The following RGS9 variants were observed in gnomAD, a reference collection of about 807,000 sequenced individuals.
RGS9 encodes the protein regulator of G protein signaling 9, also known as regulator of G-protein signalling 9.
A neutral mutation model predicts 102.0 loss-of-function variants in RGS9; 78 were observed. The ratio of observed to expected loss-of-function variants is 0.76; its 90% CI spans 0.64 to 0.92. The LOEUF (loss-of-function observed/expected upper bound fraction) is 0.92, where lower values mean the gene tolerates loss of function less well. Among genes scored for constraint, RGS9 ranks in the 40% least tolerant of loss-of-function variants. The pLI is 0.00. For missense variants in RGS9, 833 were observed against 866.1 expected, an observed-to-expected ratio of 0.96 and a Z score of 0.48; for synonymous variants, 353 against 318.6, an observed-to-expected ratio of 1.11 and a Z score of -1.15.
At chr17:65,218,004 A>G (rs774752620) in intron 17 of RGS9, among the ~76,000 whole-genome samples, 1 of 152,210 alleles carries the variant, frequency 6.6e-6, no homozygotes, top group Non-Finnish European at 1.5e-5. Context: ...AAGTCCCTGA[A>G]GTGTTGAACC....
At chr17:65,141,086 T>G (rs984222672) in intron 1 of RGS9, among the ~76,000 whole-genome samples, 2 of 152,302 alleles carry the variant, frequency 1.3e-5, no homozygotes, top group African/African-American at 2.4e-5. Flanking sequence ...CACCCATGCC[T>G]CCATCTCAGT....
At position 65,158,291 on chromosome 17, in the gene RGS9, T is replaced by C; in HGVS notation, c.155-4T>C. On this transcript the variant is annotated splice_polypyrimidine_tract_variant and splice_region_variant and intron_variant, in intron 2 of 18. Transcript: ENST00000262406. ...AATAACCGCAAATGTCTCTTGTTTT[T>C]CAGGAAGTGATGTTCTGCAATGGAT... is the stretch of plus-strand genomic sequence containing the variant. The C allele has an allele frequency of 6.2e-7, 1 of 1,614,158 alleles. No homozygotes were observed. The highest frequency in any genetic ancestry group is 1.7e-5 in the Admixed American group (1 of 60,022).
In RGS9 at chr17:65,225,496, C is replaced by T. The variant is rs761038645; in HGVS notation, c.1892+10C>T. ...CCAAGAGAGTAGCAAAGTAAGAACC[C>T]GAAGGGGACGTGCCGTATGCATGGG... On this transcript the variant is annotated intron_variant, in intron 18 of 18. Coordinates refer to ENST00000262406, the MANE Select transcript of RGS9 (RefSeq NM_003835.4). 1.5e-5 allele frequency: 24 copies of T among 1,600,036 alleles called. No homozygotes were observed. Among genetic ancestry groups the T allele is most frequent in the Middle Eastern group, 1.6e-4 (1 of 6,082 alleles).
chr17:65,195,501 A>C (rs1428636787), intron 12 of RGS9, among the ~76,000 whole-genome samples: 1 of 152,076 alleles, frequency 6.6e-6, no homozygotes, highest in Non-Finnish European at 1.5e-5. Flanking sequence ...ATATATTTTT[A>C]TTGGTGCACC....
At position 65,160,755 on chromosome 17, in the gene RGS9, C is replaced by T. The variant is rs564326641; in HGVS notation, c.365-96C>T. 3.1e-4 allele frequency: 448 copies of T among 1,439,800 alleles called. 1 individual carries two copies. The African/African-American group carries it at 5.2e-3, about 17-fold the overall frequency. The allele number at this position is 1,439,800 out of a possible 1,614,324, so 89.2% of individuals were successfully genotyped here. A position where few individuals can be genotyped will look rare whatever the true frequency, so the allele number is the denominator to read the frequency against. ...AGGGGCTGGGTGTGCTGAGCGTTCT[C>T]TCCCCGACTCTGAGCACAGCAGCCT... On this transcript the variant is annotated intron_variant, in intron 5 of 18. Coordinates refer to ENST00000262406, the MANE Select transcript of RGS9 (RefSeq NM_003835.4).
chr17:65,170,351 C>CTAATTTTTGTATTTTTAGTAGAGA (rs1911367599), intron 8 of RGS9, among the ~76,000 whole-genome samples: 1 of 152,070 alleles, frequency 6.6e-6, no homozygotes, highest in Admixed American at 6.5e-5. Flanking sequence ...CCGCGCCTGG[C>CTAATTTTTGTATTTTTAGTAGAGA]CGCCTTCTGC....
chr17:65,221,065 A>G (rs73994761), intron 17 of RGS9, among the ~76,000 whole-genome samples: 10,966 of 152,232 alleles, frequency 0.072, 1,318 homozygotes, highest in African/African-American at 0.25. Context: ...AATTGTGGGA[A>G]CGGGTGGAAA....
intron 9 of RGS9, among the ~76,000 whole-genome samples, chr17:65,179,756 G>C (rs1346009355): frequency 2.6e-5 from 4 of 151,744 alleles, no homozygotes; most frequent in Non-Finnish European, 5.9e-5. Context: ...CTCCATCCTG[G>C]GGGTGACTTC....
intron 1 of RGS9, among the ~76,000 whole-genome samples, chr17:65,147,749 C>T (rs1910425511): frequency 6.6e-6 from 1 of 151,798 alleles, no homozygotes; most frequent in Non-Finnish European, 1.5e-5. Flanking sequence ...CGCCATCACA[C>T]CCAGCTAATT....
At chr17:65,205,098 C>G (rs1046070478) in intron 15 of RGS9, among the ~76,000 whole-genome samples, 5 of 151,990 alleles carry the variant, frequency 3.3e-5, no homozygotes, top group Non-Finnish European at 7.4e-5. Flanking sequence ...AGTGCGAATG[C>G]GGTGGGAATT....
At chr17:65,155,571 C>T (rs1910737641) in intron 2 of RGS9, among the ~76,000 whole-genome samples, 1 of 151,992 alleles carries the variant, frequency 6.6e-6, no homozygotes. Context: ...GACAGGGTCT[C>T]ATGCTGTCTC....
chr17:65,182,192 G>A (rs1233169579), intron 9 of RGS9, among the ~76,000 whole-genome samples: 2 of 152,194 alleles, frequency 1.3e-5, no homozygotes, highest in African/African-American at 4.8e-5. Context: ...CTGCAGAGGT[G>A]CTCAGCCTGG....
At chr17:65,206,370 C>T (rs767334772) in intron 15 of RGS9, among the ~76,000 whole-genome samples, 9 of 152,082 alleles carry the variant, frequency 5.9e-5, no homozygotes, top group African/African-American at 1.2e-4. Context: ...TATTTTAAAA[C>T]GTTTTGGTTC....
chr17:65,187,499 C>T (rs4791222), intron 9 of RGS9, among the ~76,000 whole-genome samples: 9,166 of 152,146 alleles, frequency 0.06, 903 homozygotes, highest in East Asian at 0.37. Context: ...AAAATGAAAC[C>T]CAGCCTGAGT....
At chr17:65,201,245 T>C (rs1011644919) in intron 13 of RGS9, among the ~76,000 whole-genome samples, 5 of 152,182 alleles carry the variant, frequency 3.3e-5, no homozygotes, top group African/African-American at 1.2e-4. Context: ...AACCTCGAGT[T>C]GGAGGGAGAT....
chr17:65,177,169 TCCATCCAC>T (rs1484741853), intron 8 of RGS9, among the ~76,000 whole-genome samples: 1 of 146,210 alleles, frequency 6.8e-6, no homozygotes, highest in Non-Finnish European at 1.5e-5. Context: ...CATCCATCCA[TCCATCCAC>T]CCATCCATCC....
At chr17:65,207,240 G>A (rs1382171028) in intron 15 of RGS9, among the ~76,000 whole-genome samples, 2 of 152,214 alleles carry the variant, frequency 1.3e-5, no homozygotes, top group African/African-American at 4.8e-5. Flanking sequence ...CATCTTCCTT[G>A]GAAGAAAGTC....
At chr17:65,205,504 T>C (rs1242131529) in intron 15 of RGS9, among the ~76,000 whole-genome samples, 4 of 152,134 alleles carry the variant, frequency 2.6e-5, no homozygotes, top group African/African-American at 9.7e-5. Flanking sequence ...GACTATGTCA[T>C]ACAGGTTATA....
chr17:65,168,929 T>A (rs141147136), intron 8 of RGS9, among the ~76,000 whole-genome samples: 1 of 152,324 alleles, frequency 6.6e-6, no homozygotes, highest in Non-Finnish European at 1.5e-5. Context: ...AAGTGGGGTC[T>A]GACTGCTACA....
Sources: gnomAD v4.1 joint callset for allele counts (sites outside exome capture counted in the v4.1 genomes callset) on GRCh38, gnomAD v4.1.1 for gene constraint, MANE v1.5 for transcripts, NCBI Gene and HGNC (gene_info 2026-07-23, HGNC 2026-07-21) for gene names.